The following FYB1 variants were observed in gnomAD, a reference collection of about 807,000 sequenced individuals.
The protein encoded by FYB1 is FYN binding protein 1.
Under a neutral mutation model 94.1 loss-of-function variants are expected in FYB1, and 41 were observed. That is an observed-to-expected ratio of 0.44 (90% confidence interval 0.34 to 0.57). The LOEUF is 0.57. Ranked by LOEUF, FYB1 falls within the 20% of genes least tolerant of loss-of-function variation. FYB1 has a pLI of 0.02. For missense variants in FYB1, 1,050 were observed against 976.8 expected (o/e 1.07, Z -1.00); for synonymous variants, 367 against 353.2 (o/e 1.04, Z -0.44).
At chr5:39,256,340 C>T (rs1425819767) in intron 1 of FYB1, among the ~76,000 whole-genome samples, 1 of 152,026 alleles carries the variant, frequency 6.6e-6, no homozygotes, top group African/African-American at 2.4e-5. Context: ...GTGTATGTGG[C>T]TTACAAATTA....
At chr5:39,256,683 G>C (rs74652608) in intron 1 of FYB1, among the ~76,000 whole-genome samples, 1 of 152,108 alleles carries the variant, frequency 6.6e-6, no homozygotes, top group Non-Finnish European at 1.5e-5. Flanking sequence ...GAAATTCCCT[G>C]TCTTCCCCTT....
At chr5:39,233,802 G>A (rs921427121) in intron 1 of FYB1, among the ~76,000 whole-genome samples, 2 of 152,064 alleles carry the variant, frequency 1.3e-5, no homozygotes, top group African/African-American at 2.4e-5. Flanking sequence ...GAAAAGGGAA[G>A]GATATCTTAA....
intron 1 of FYB1, among the ~76,000 whole-genome samples, chr5:39,248,249 T>C (rs1213511942): frequency 6.6e-6 from 1 of 152,234 alleles, no homozygotes. Flanking sequence ...AGGAGCTTTT[T>C]AAGCAAAGAC....
At chr5:39,244,952 T>C (rs1388799609) in intron 1 of FYB1, among the ~76,000 whole-genome samples, 1 of 152,230 alleles carries the variant, frequency 6.6e-6, no homozygotes, top group Non-Finnish European at 1.5e-5. Context: ...TATTATCTGA[T>C]GGTAGTTTGT....
At chr5:39,247,327 G>A (rs1751524976) in intron 1 of FYB1, among the ~76,000 whole-genome samples, 1 of 151,580 alleles carries the variant, frequency 6.6e-6, no homozygotes, top group Non-Finnish European at 1.5e-5. Context: ...ATGATGAATA[G>A]TATTTTAAAT....
At chr5:39,158,648 T>A (rs1357969445) in intron 2 of FYB1, among the ~76,000 whole-genome samples, 1 of 152,190 alleles carries the variant, frequency 6.6e-6, no homozygotes, top group Non-Finnish European at 1.5e-5. Context: ...GTAACAAAGA[T>A]CTATGAAGAC....
chr5:39,154,678 T>C (rs1743589170), intron 2 of FYB1, among the ~76,000 whole-genome samples: 1 of 152,094 alleles, frequency 6.6e-6, no homozygotes. Flanking sequence ...AGCTAATTTT[T>C]ATATTTTTAT....
chr5:39,231,495 A>T (rs1015057178), intron 1 of FYB1, among the ~76,000 whole-genome samples: 1 of 152,176 alleles, frequency 6.6e-6, no homozygotes, highest in African/African-American at 2.4e-5. Flanking sequence ...ATATTTCTGG[A>T]AAATTCATAA....
chr5:39,271,517 G>T (rs140195975), intron 1 of FYB1, among the ~76,000 whole-genome samples: 13 of 152,252 alleles, frequency 8.5e-5, no homozygotes, highest in Admixed American at 2.0e-4. Context: ...TCCAGATCTT[G>T]TTGTAAGTAT....
At chr5:39,263,393 A>T (rs976674971) in intron 1 of FYB1, among the ~76,000 whole-genome samples, 1 of 151,762 alleles carries the variant, frequency 6.6e-6, no homozygotes, top group African/African-American at 2.4e-5. Flanking sequence ...TTTTTAACAC[A>T]GTGGGATAGA....
chr5:39,148,282 G>A (rs537693760), intron 3 of FYB1, among the ~76,000 whole-genome samples: 7 of 134,036 alleles, frequency 5.2e-5, no homozygotes, highest in Non-Finnish European at 9.4e-5. Flanking sequence ...GGCTCACCTC[G>A]GCCTCCCAAA....
intron 7 of FYB1, among the ~76,000 whole-genome samples, chr5:39,136,846 G>T (rs751501262): frequency 3.9e-5 from 6 of 152,128 alleles, no homozygotes; most frequent in Non-Finnish European, 7.4e-5. Flanking sequence ...AATACTTAAA[G>T]AAACCATACA....
intron 1 of FYB1, among the ~76,000 whole-genome samples, chr5:39,209,489 C>T (rs1749166423): frequency 1.3e-5 from 2 of 152,026 alleles, no homozygotes; most frequent in African/African-American, 4.8e-5. Context: ...CCACGCCTGG[C>T]TAATTTTTGT....
chr5:39,175,196 A>C (rs996656159), intron 2 of FYB1, among the ~76,000 whole-genome samples: 1 of 152,214 alleles, frequency 6.6e-6, no homozygotes, highest in Non-Finnish European at 1.5e-5. Context: ...CCAGGCAGAC[A>C]CTACATTGGC....
At chr5:39,232,929 G>C (rs1317755188) in intron 1 of FYB1, among the ~76,000 whole-genome samples, 1 of 152,040 alleles carries the variant, frequency 6.6e-6, no homozygotes, top group South Asian at 2.1e-4. Flanking sequence ...AGTATTCCAG[G>C]GTGTATATGT....
intron 1 of FYB1, among the ~76,000 whole-genome samples, chr5:39,230,534 T>A (rs1009545150): frequency 6.6e-6 from 1 of 152,024 alleles, no homozygotes; most frequent in Non-Finnish European, 1.5e-5. Context: ...CATATATATA[T>A]GTATATATGT....
chr5:39,202,290 C>T lies in FYB1; in HGVS notation c.671G>A (p.Gly224Glu). 2 of 1,613,754 alleles carry T rather than the reference C, an allele frequency of 1.2e-6. No homozygotes were observed. Among genetic ancestry groups the T allele is most frequent in the Admixed American group, 1.7e-5 (1 of 60,000 alleles). ...SPMKNVSSSK[G>E]SPAPLGVRSK... ...CCTGACTCCCAGGGGAGCTGGGGACCCTTTTGATGAAGACACATTCTTCAT... is the reference window on the plus strand; with the variant it reads ...CCTGACTCCCAGGGGAGCTGGGGACTCTTTTGATGAAGACACATTCTTCAT... Residue 224 changes from glycine to glutamate, a missense_variant, in exon 2 of 19, where the codon GGG (glycine) becomes GAG (glutamate). By Grantham distance (98) the Gly-to-Glu change is moderately conservative. Coordinates refer to ENST00000512982, the MANE Select transcript of FYB1 (RefSeq NM_001465.6).
At chr5:39,195,818 A>G (rs895887630) in intron 2 of FYB1, among the ~76,000 whole-genome samples, 5 of 152,250 alleles carry the variant, frequency 3.3e-5, no homozygotes, top group African/African-American at 9.6e-5. Flanking sequence ...ACACATGGGA[A>G]GAAGCCCTTT....
chr5:39,151,515 C>T (rs1186707958), intron 3 of FYB1, among the ~76,000 whole-genome samples: 2 of 152,162 alleles, frequency 1.3e-5, no homozygotes, highest in African/African-American at 4.8e-5. Flanking sequence ...GTCTCAAACT[C>T]CTGAGCTCAA....
Sources: allele counts gnomAD v4.1 joint callset (sites outside exome capture counted in the v4.1 genomes callset), GRCh38; gene constraint gnomAD v4.1.1; transcripts MANE v1.5; gene names NCBI Gene and HGNC (gene_info 2026-07-23, HGNC 2026-07-21).